MRPL1: variants seen among roughly 807,000 people sequenced by gnomAD.
The protein encoded by MRPL1 is mitochondrial ribosomal protein L1.
A neutral mutation model predicts 38.0 loss-of-function variants in MRPL1; 28 were observed. The observed-to-expected ratio is 0.74, with a 90% CI of 0.55 to 1.01. MRPL1 has a LOEUF of 1.01. Ranked by LOEUF, MRPL1 falls within the 50% of genes least tolerant of loss-of-function variation. The probability of loss-of-function intolerance (pLI) is 0.00; values close to 1 mark genes in which losing one functional copy is unlikely to be tolerated. For missense variants in MRPL1, 358 were observed against 389.8 expected (o/e 0.92, Z 0.69); for synonymous variants, 123 against 126.7 (o/e 0.97, Z 0.20).
At chr4:77,893,520 T>C (rs1245796199) in intron 5 of MRPL1, among the ~76,000 whole-genome samples, 1 of 152,206 alleles carries the variant, frequency 6.6e-6, no homozygotes, top group Non-Finnish European at 1.5e-5. Context: ...AAAAATGTTT[T>C]CTAAAAATTG....
chr4:77,923,538 C>A (rs1736628563), intron 7 of MRPL1, among the ~76,000 whole-genome samples: 1 of 152,060 alleles, frequency 6.6e-6, no homozygotes. Context: ...CAAGGATAAA[C>A]CCTATTGTAT....
chr4:77,894,263 C>G lies in MRPL1; in HGVS notation c.670+13C>G. 1 of 1,465,368 alleles carries G rather than the reference C, an allele frequency of 6.8e-7. No individual in the cohort carries two copies. The highest frequency in any genetic ancestry group is 9.4e-7 in the Non-Finnish European group (1 of 1,064,620). 90.8% of individuals were successfully genotyped at this position (1,465,368 alleles called of 1,614,324 possible). A position where few individuals can be genotyped will look rare whatever the true frequency, so the allele number is the denominator to read the frequency against. ...AAGCTTTCTCGAAGTAAGAGAATTC[C>G]TATTATTTCAATATCCTGTCAACAA... is the stretch of plus-strand genomic sequence containing the variant. On this transcript the variant is annotated intron_variant, in intron 6 of 8. Coordinates refer to ENST00000315567, the MANE Select transcript of MRPL1 (RefSeq NM_020236.4).
chr4:77,932,510 C>T (rs1736870988), intron 7 of MRPL1, among the ~76,000 whole-genome samples: 1 of 152,090 alleles, frequency 6.6e-6, no homozygotes, highest in East Asian at 1.9e-4. Flanking sequence ...CTGAGATTGC[C>T]ACAAAAGCAC....
chr4:77,887,865 T>A (rs982128996), intron 5 of MRPL1, among the ~76,000 whole-genome samples: 1 of 152,142 alleles, frequency 6.6e-6, no homozygotes, highest in Non-Finnish European at 1.5e-5. Flanking sequence ...TTGTGATTAT[T>A]ATTATTATTA....
chr4:77,901,656 G>T (rs79037068), intron 6 of MRPL1, among the ~76,000 whole-genome samples: 4,769 of 152,158 alleles, frequency 0.031, 247 homozygotes, highest in African/African-American at 0.11. Context: ...GAAAAAGATG[G>T]ATATTCTATA....
intron 6 of MRPL1, among the ~76,000 whole-genome samples, chr4:77,897,274 G>A (rs1356084977): frequency 2.6e-5 from 4 of 151,846 alleles, no homozygotes; most frequent in Non-Finnish European, 4.4e-5. Flanking sequence ...GGCTGGTCTC[G>A]AACTTCTGAC....
intron 7 of MRPL1, among the ~76,000 whole-genome samples, chr4:77,923,319 C>T (rs1736624128): frequency 6.6e-6 from 1 of 152,018 alleles, no homozygotes; most frequent in Non-Finnish European, 1.5e-5. Flanking sequence ...TGGACTTGAA[C>T]TCCTAACCTC....
At position 77,909,382 on chromosome 4, in the gene MRPL1, A is replaced by T. The variant is rs1204549425; in HGVS notation, c.777+10A>T. The T allele has an allele frequency of 3.5e-6, 5 of 1,410,804 alleles. No homozygotes were observed. Among genetic ancestry groups the T allele is most frequent in the Non-Finnish European group, 5.0e-6 (5 of 1,007,430 alleles). 87.4% of individuals were successfully genotyped at this position (1,410,804 alleles called of 1,614,324 possible). On this transcript the variant is annotated intron_variant, in intron 7 of 8. Transcript: ENST00000315567. ...GACCAAAATAGCAACAGTAAGTTAC[A>T]ATGAAAATTATCAAATAATCCTCTT...
At chr4:77,898,755 A>G (rs1735973005) in intron 6 of MRPL1, among the ~76,000 whole-genome samples, 1 of 151,944 alleles carries the variant, frequency 6.6e-6, no homozygotes, top group Admixed American at 6.6e-5. Flanking sequence ...CAGCTTCCCA[A>G]AGTGCTGGGA....
At chr4:77,917,489 T>A (rs1217428371) in intron 7 of MRPL1, among the ~76,000 whole-genome samples, 2 of 152,188 alleles carry the variant, frequency 1.3e-5, no homozygotes, top group Admixed American at 1.3e-4. Flanking sequence ...TAAAAAATTA[T>A]CCTTATTTTT....
chr4:77,930,310 A>G, intron 7 of MRPL1, among the ~76,000 whole-genome samples: 1 of 152,160 alleles, frequency 6.6e-6, no homozygotes, highest in Middle Eastern at 3.2e-3. Context: ...TGGGCCTCAC[A>G]GCAGGAGGTG....
chr4:77,885,402 CTG>C, intron 4 of MRPL1, 63 bp downstream of exon 4: 4 of 1,298,644 alleles, frequency 3.1e-6, no homozygotes. Flanking sequence ...GAGTCTCACT[CTG>C]TCACCAGTCT....
intron 8 of MRPL1, among the ~76,000 whole-genome samples, chr4:77,951,090 G>A (rs1343937043): frequency 2.0e-5 from 3 of 152,122 alleles, no homozygotes; most frequent in African/African-American, 7.2e-5. Flanking sequence ...GGCTGGTCTC[G>A]AACTCCTGAC....
intron 5 of MRPL1, among the ~76,000 whole-genome samples, chr4:77,889,921 C>G (rs1287555301): frequency 6.6e-6 from 1 of 152,148 alleles, no homozygotes; most frequent in African/African-American, 2.4e-5. Context: ...CCTCCCAAGA[C>G]TAAACCAGGA....
chr4:77,886,391 A>G (rs1735676767), intron 4 of MRPL1, among the ~76,000 whole-genome samples: 1 of 151,864 alleles, frequency 6.6e-6, no homozygotes, highest in African/African-American at 2.4e-5. Context: ...CTGGAATGCA[A>G]TGGCGTGATC....
chr4:77,939,813 TTA>T (rs1737075362), intron 7 of MRPL1, among the ~76,000 whole-genome samples: 1 of 152,136 alleles, frequency 6.6e-6, no homozygotes, highest in Non-Finnish European at 1.5e-5. Context: ...TTTCTCCACT[TTA>T]TGTTTTTGTT....
chr4:77,907,522 C>T (rs1736184307), intron 6 of MRPL1, among the ~76,000 whole-genome samples: 1 of 137,874 alleles, frequency 7.3e-6, no homozygotes, highest in Non-Finnish European at 1.6e-5. Context: ...CCCCCTTCCT[C>T]CTTCCCTCTC....
intron 6 of MRPL1, among the ~76,000 whole-genome samples, chr4:77,903,098 G>A (rs1736071399): frequency 6.6e-6 from 1 of 152,082 alleles, no homozygotes; most frequent in African/African-American, 2.4e-5. Flanking sequence ...AAAAAATACT[G>A]TTAACAAAAT....
At chr4:77,869,253 C>T (rs74477262) in intron 1 of MRPL1, among the ~76,000 whole-genome samples, 15 of 152,106 alleles carry the variant, frequency 9.9e-5, no homozygotes, top group African/African-American at 2.7e-4. Flanking sequence ...CTCATTGCCA[C>T]GGGGTGGGAG....
Sources: gnomAD v4.1 joint callset for allele counts (sites outside exome capture counted in the v4.1 genomes callset) on GRCh38, gnomAD v4.1.1 for gene constraint, MANE v1.5 for transcripts, NCBI Gene and HGNC (gene_info 2026-07-23, HGNC 2026-07-21) for gene names.